Variants in SLC25A13 observed in about 807,000 individuals in gnomAD.
SLC25A13 encodes the protein electrogenic aspartate/glutamate antiporter SLC25A13, mitochondrial.
In SLC25A13, 70 loss-of-function variants were observed where a neutral mutation model predicts 85.5. The ratio of observed to expected loss-of-function variants is 0.82; its 90% CI spans 0.68 to 1.00. The LOEUF (loss-of-function observed/expected upper bound fraction) is 1.00, where lower values mean the gene tolerates loss of function less well. Among genes scored for constraint, SLC25A13 ranks in the 50% least tolerant of loss-of-function variants. SLC25A13 has a pLI of 0.00. For synonymous variants in SLC25A13, 259 were observed against 288.7 expected (o/e 0.90, Z 1.04); for missense variants, 765 against 819.8 (o/e 0.93, Z 0.82).
rs762645318 is a variant in SLC25A13, at chr7:96,226,516, T to C, written c.328+8286A>G. Reference sequence around the variant, plus strand: ...TTTGGATAAATATCCAGAAGTGAGATTGGTGGATCATATGGTACTTCTATT... The same window carrying C: ...TTTGGATAAATATCCAGAAGTGAGACTGGTGGATCATATGGTACTTCTATT... On this transcript the variant is annotated intron_variant, in intron 4 of 17. Coordinates refer to ENST00000265631, the MANE Select transcript of SLC25A13 (RefSeq NM_014251.3). Among the ~76,000 whole-genome samples, 3 of 152,116 alleles carry C rather than the reference T, an allele frequency of 2.0e-5. 1 individual carries two copies. Among genetic ancestry groups the C allele is most frequent in the South Asian group, 4.2e-4 (2 of 4,818 alleles).
At chr7:96,192,937 T>C in intron 6 of SLC25A13, 100 bp downstream of exon 6, 1 of 1,324,576 alleles carries the variant, frequency 7.5e-7, no homozygotes, top group Non-Finnish European at 1.1e-6. Flanking sequence ...AATGTTAGTG[T>C]TTGCAACAGA....
intron 13 of SLC25A13, among the ~76,000 whole-genome samples, chr7:96,157,276 T>G (rs1319217537): frequency 6.6e-6 from 1 of 152,094 alleles, no homozygotes; most frequent in Non-Finnish European, 1.5e-5. Context: ...AATTATAGGT[T>G]TTTTCTTCTA....
chr7:96,321,826 G>T, intron 1 of SLC25A13, 116 bp downstream of exon 1: 2 of 1,309,056 alleles, frequency 1.5e-6, no homozygotes, highest in South Asian at 1.5e-5. Context: ...ACGGCTGCCC[G>T]GCACCCCATT....
intron 13 of SLC25A13, among the ~76,000 whole-genome samples, chr7:96,164,034 T>C (rs1361677494): frequency 1.3e-5 from 2 of 152,210 alleles, no homozygotes; most frequent in African/African-American, 2.4e-5. Context: ...AAGGTAACTG[T>C]GGTGCATTAA....
At chr7:96,127,050 A>T (rs1791758520) in intron 15 of SLC25A13, among the ~76,000 whole-genome samples, 1 of 152,240 alleles carries the variant, frequency 6.6e-6, no homozygotes, top group African/African-American at 2.4e-5. Flanking sequence ...TTTCTGTATT[A>T]CAACTTAATC....
intron 11 of SLC25A13, among the ~76,000 whole-genome samples, chr7:96,183,893 G>A (rs770643450): frequency 5.3e-5 from 8 of 152,128 alleles, no homozygotes; most frequent in Non-Finnish European, 1.2e-4. Context: ...CTTTTTTGTG[G>A]TGTATTCCAG....
At chr7:96,203,030 A>G (rs1232772771) in intron 5 of SLC25A13, among the ~76,000 whole-genome samples, 2 of 152,152 alleles carry the variant, frequency 1.3e-5, no homozygotes, top group Non-Finnish European at 2.9e-5. Flanking sequence ...CTTGGCTTAA[A>G]AAGCAACCAA....
rs80338729 is a variant in SLC25A13 at position 96,121,683 on chromosome 7, G to A, written c.1813C>T (p.Arg605Ter). 3.6e-5 allele frequency: 58 copies of A among 1,614,114 alleles called. No individual in the cohort carries two copies. The South Asian group carries it at 5.6e-4, about 16-fold the overall frequency. Residue 605 changes from arginine (R) to a stop codon, truncating the protein, a stop_gained, in exon 17 of 18, where the codon CGA (arginine) becomes TGA (stop). Transcript: ENST00000265631. LOFTEE classifies it high-confidence loss of function. ...VTLLTYELLQ[R>*]WFYIDFGGVK... ...CCTCCAAAATCAATGTAGAACCATC[G>A]CTGTAGCAATTCGTAAGTCAGCAAA... is the stretch of plus-strand genomic sequence containing the variant.
At chr7:96,293,647 G>C (rs1393613254) in intron 2 of SLC25A13, among the ~76,000 whole-genome samples, 1 of 152,194 alleles carries the variant, frequency 6.6e-6, no homozygotes, top group Non-Finnish European at 1.5e-5. Flanking sequence ...CTCAAAAGAA[G>C]ACATTTATGC....
intron 10 of SLC25A13, 39 bp downstream of exon 10, chr7:96,184,888 A>T (rs760796001): frequency 1.4e-6 from 2 of 1,479,168 alleles, no homozygotes; most frequent in Non-Finnish European, 1.9e-6. Context: ...GAGAATAGGA[A>T]TAACAAAAGT....
intron 3 of SLC25A13, among the ~76,000 whole-genome samples, chr7:96,262,517 C>T (rs73235925): frequency 0.099 from 8,644 of 87,248 alleles, 357 homozygotes; most frequent in Non-Finnish European, 0.15. Flanking sequence ...AACTACTCCT[C>T]AGTTTAAAAA....
intron 1 of SLC25A13, 61 bp downstream of exon 1, chr7:96,321,881 C>G: frequency 6.7e-7 from 1 of 1,490,378 alleles, no homozygotes; most frequent in Non-Finnish European, 8.9e-7. Context: ...GCGCCCGAGC[C>G]TCTCGCACCC....
At chr7:96,146,416 A>G in intron 14 of SLC25A13, 140 bp downstream of exon 14, 1 of 1,054,654 alleles carries the variant, frequency 9.5e-7, no homozygotes, top group South Asian at 1.5e-5. Flanking sequence ...ATTGGCATGA[A>G]GGTGCCTCTG....
intron 1 of SLC25A13, among the ~76,000 whole-genome samples, chr7:96,311,495 C>T (rs926604653): frequency 9.9e-5 from 15 of 152,158 alleles, no homozygotes; most frequent in African/African-American, 2.9e-4. Context: ...ACAGGAAAGA[C>T]GACCCAATTC....
At chr7:96,215,525 T>C (rs1262329749) in intron 4 of SLC25A13, among the ~76,000 whole-genome samples, 1 of 152,072 alleles carries the variant, frequency 6.6e-6, no homozygotes, top group Non-Finnish European at 1.5e-5. Context: ...TATAGTCAAT[T>C]GATTTCCAAC....
At chr7:96,248,676 T>C (rs1203181521) in intron 3 of SLC25A13, among the ~76,000 whole-genome samples, 2 of 152,176 alleles carry the variant, frequency 1.3e-5, no homozygotes, top group Admixed American at 6.5e-5. Context: ...GGGAAGTAGT[T>C]AGCAGGAAAA....
At chr7:96,146,010 A>G (rs1047045543) in intron 14 of SLC25A13, among the ~76,000 whole-genome samples, 1 of 152,230 alleles carries the variant, frequency 6.6e-6, no homozygotes, top group Non-Finnish European at 1.5e-5. Context: ...ATAGGCAGAC[A>G]GTTCTAGTAA....
intron 3 of SLC25A13, among the ~76,000 whole-genome samples, chr7:96,251,983 T>C (rs1386575714): frequency 6.6e-6 from 1 of 152,226 alleles, no homozygotes; most frequent in Non-Finnish European, 1.5e-5. Flanking sequence ...CCTTCACAGA[T>C]GAATACAGCA....
chr7:96,234,436 C>G (rs1443024513), intron 4 of SLC25A13, among the ~76,000 whole-genome samples: 2 of 152,138 alleles, frequency 1.3e-5, no homozygotes, highest in African/African-American at 4.8e-5. Context: ...TAAGTAACTT[C>G]TGTGTGTAGG....
Sources: allele counts gnomAD v4.1 joint callset (sites outside exome capture counted in the v4.1 genomes callset), GRCh38; gene constraint gnomAD v4.1.1; transcripts MANE v1.5; gene names NCBI Gene and HGNC (gene_info 2026-07-23, HGNC 2026-07-21).